The following RANBP2 variants were observed in gnomAD, a reference collection of about 807,000 sequenced individuals.
RANBP2 encodes RAN binding protein 2.
Under a neutral mutation model 303.6 loss-of-function variants are expected in RANBP2, and 57 were observed. The observed-to-expected ratio is 0.19, with a 90% CI of 0.15 to 0.23. RANBP2 has a LOEUF of 0.23. RANBP2 is among the 10% of genes least tolerant of loss of function. RANBP2 has a pLI of 1.00. For synonymous variants in RANBP2, 1,167 were observed against 1,301.5 expected, an observed-to-expected ratio of 0.90 and a Z score of 2.23; for missense variants, 3,138 against 3,780.8, an observed-to-expected ratio of 0.83 and a Z score of 4.46.
At chr2:109,731,905 T>C in the RANBP2 span, among the ~76,000 whole-genome samples, 36 of 151,830 alleles carry the variant, frequency 2.4e-4, no homozygotes, top group Non-Finnish European at 4.7e-4. Context: ...TGGAGTGCAG[T>C]GGCACCATCA....
At chr2:108,892,874 T>C in the RANBP2 span, among the ~76,000 whole-genome samples, 1 of 152,228 alleles carries the variant, frequency 6.6e-6, no homozygotes, top group East Asian at 1.9e-4. Context: ...GTGTTCTCTC[T>C]TGGATAATGT....
chr2:109,501,447 G>A, the RANBP2 span: 5 of 718,584 alleles, frequency 7.0e-6, no homozygotes, highest in East Asian at 5.1e-5. Flanking sequence ...GAGAAAGCAC[G>A]ACCCAGCAGA....
chr2:109,733,148 T>C, the RANBP2 span: 1 of 504,842 alleles, frequency 2.0e-6, no homozygotes, highest in South Asian at 1.5e-5. Context: ...ACCTGATCCT[T>C]CTCTAGGTTT....
the RANBP2 span, among the ~76,000 whole-genome samples, chr2:108,876,972 A>T: frequency 6.6e-6 from 1 of 152,230 alleles, no homozygotes. Context: ...TTAGGACAGG[A>T]TACTGAGAAA....
At chr2:108,910,507 C>A in the RANBP2 span, 2 of 1,613,912 alleles carry the variant, frequency 1.2e-6, no homozygotes, top group Non-Finnish European at 1.7e-6. Flanking sequence ...CAAATTCATC[C>A]TTCTCGGAGA....
downstream of RANBP2, chr2:108,786,689 G>A: frequency 3.6e-6 from 3 of 832,228 alleles, no homozygotes; most frequent in South Asian, 1.5e-5. Flanking sequence ...GGGTCGCCCC[G>A]CCCCGCCCTT....
At chr2:109,129,350 GGTCCCCGCC>G in the RANBP2 span, 1 of 851,266 alleles carries the variant, frequency 1.2e-6, no homozygotes, top group East Asian at 3.3e-5. Context: ...CACGCAGGCC[GGTCCCCGCC>G]ACGCAGGCCG....
the RANBP2 span, among the ~76,000 whole-genome samples, chr2:109,142,304 A>C: frequency 7.2e-5 from 11 of 152,260 alleles, no homozygotes; most frequent in East Asian, 1.5e-3. Context: ...AGGTGTTTAC[A>C]GTCTTATTTT....
At chr2:108,838,184 T>G in the RANBP2 span, among the ~76,000 whole-genome samples, 5 of 152,142 alleles carry the variant, frequency 3.3e-5, no homozygotes, top group African/African-American at 1.2e-4. Flanking sequence ...TGGCTCTGAA[T>G]TGGTTAATTT....
At chr2:109,052,024 AG>A in the RANBP2 span, among the ~76,000 whole-genome samples, 1 of 152,208 alleles carries the variant, frequency 6.6e-6, no homozygotes, top group East Asian at 1.9e-4. Flanking sequence ...CTGGGATTAC[AG>A]GCGTGAGCCA....
chr2:109,610,152 G>A, the RANBP2 span, among the ~76,000 whole-genome samples: 7 of 151,464 alleles, frequency 4.6e-5, no homozygotes, highest in South Asian at 2.1e-4. Flanking sequence ...GCAGTGGCGC[G>A]ATCTCAGCTT....
chr2:108,791,479 T>C, the RANBP2 span: 1 of 602,442 alleles, frequency 1.7e-6, no homozygotes, highest in Non-Finnish European at 3.0e-6. Context: ...TAGAAAAAGA[T>C]GCTTGTAGTG....
chr2:109,524,077 C>A, the RANBP2 span, among the ~76,000 whole-genome samples: 1 of 152,204 alleles, frequency 6.6e-6, no homozygotes, highest in Admixed American at 6.5e-5. Flanking sequence ...CCTGGTCTCA[C>A]CTCCCCAGCC....
At chr2:108,815,993 T>G in the RANBP2 span, 14 of 1,613,704 alleles carry the variant, frequency 8.7e-6, no homozygotes, top group Non-Finnish European at 1.2e-5. Context: ...ATGGACTGGA[T>G]TTCGGATCAT....
chr2:109,515,087 C>A, the RANBP2 span, among the ~76,000 whole-genome samples: 3 of 152,204 alleles, frequency 2.0e-5, no homozygotes, highest in Admixed American at 1.3e-4. Context: ...TGGCCTCTGT[C>A]TGCTGGGCAT....
rs532940205 is a variant in RANBP2 at position 108,782,729 on chromosome 2, G to A, written c.9236G>A (p.Arg3079Gln). The change falls in exon 28 of 29, where the codon CGG becomes CAG. Residue 3079 changes from arginine to glutamine, a missense_variant. Physicochemically the swap from Arg to Gln is conservative, Grantham distance 43. Transcript: ENST00000283195. The part of the protein sequence containing the change: ...DVCADGEPLG[R>Q]ITMELFSNIV... Reference sequence around the variant, plus strand: ...TGTGCGGACGGTGAACCTCTAGGGCGGATAACTATGGAATTATTTTCAAAC... The same window carrying A: ...TGTGCGGACGGTGAACCTCTAGGGCAGATAACTATGGAATTATTTTCAAAC... The A allele has an allele frequency of 3.1e-6, 5 of 1,614,136 alleles. No homozygotes were observed. The highest frequency in any genetic ancestry group is 1.6e-4 in the Middle Eastern group (1 of 6,062).
the RANBP2 span, among the ~76,000 whole-genome samples, chr2:109,213,494 A>G: frequency 6.6e-6 from 1 of 152,196 alleles, no homozygotes; most frequent in Non-Finnish European, 1.5e-5. Context: ...CAGGATCTGC[A>G]GGGAGCCTGG....
At chr2:109,433,805 A>C in the RANBP2 span, among the ~76,000 whole-genome samples, 1 of 152,334 alleles carries the variant, frequency 6.6e-6, no homozygotes, top group African/African-American at 2.4e-5. Context: ...CTGAAGGGGC[A>C]GTTAGAGATC....
the RANBP2 span, among the ~76,000 whole-genome samples, chr2:109,564,748 C>A: frequency 6.6e-6 from 1 of 152,116 alleles, no homozygotes; most frequent in Non-Finnish European, 1.5e-5. Flanking sequence ...AATTAACAGA[C>A]CAGATTTACT....
Sources: allele counts gnomAD v4.1 joint callset (sites outside exome capture counted in the v4.1 genomes callset), GRCh38; gene constraint gnomAD v4.1.1; transcripts MANE v1.5; gene names NCBI Gene and HGNC (gene_info 2026-07-23, HGNC 2026-07-21).